CAST: variants seen among roughly 807,000 people sequenced by gnomAD.
CAST encodes the protein MIR583 host.
In CAST, 76 loss-of-function variants were observed where a neutral mutation model predicts 119.6. The ratio of observed to expected loss-of-function variants is 0.64; its 90% CI spans 0.53 to 0.77. CAST has a LOEUF of 0.77. Ranked by LOEUF, CAST falls within the 30% of genes least tolerant of loss-of-function variation. The pLI, the probability that CAST is intolerant of heterozygous loss-of-function variation, is 0.00. For synonymous variants in CAST, 319 were observed against 331.6 expected, an observed-to-expected ratio of 0.96 and a Z score of 0.41; for missense variants, 953 against 946.5, an observed-to-expected ratio of 1.01 and a Z score of -0.09.
chr5:96,537,894 A>G (rs1745847292), intron 1 of CAST, among the ~76,000 whole-genome samples: 1 of 152,178 alleles, frequency 6.6e-6, no homozygotes, highest in Non-Finnish European at 1.5e-5. Context: ...TATATCATGT[A>G]GCAAAAGCAT....
At chr5:96,597,267 G>T (rs1747069359) in intron 1 of CAST, among the ~76,000 whole-genome samples, 1 of 152,184 alleles carries the variant, frequency 6.6e-6, no homozygotes. Flanking sequence ...AATATGTCAA[G>T]GAATTTATCC....
At chr5:96,219,347 C>T in the CAST span, among the ~76,000 whole-genome samples, 2 of 152,112 alleles carry the variant, frequency 1.3e-5, no homozygotes, top group Admixed American at 1.3e-4. Flanking sequence ...TTTTTTGGTT[C>T]TCATCCATTT....
chr5:96,222,191 A>G, the CAST span, among the ~76,000 whole-genome samples: 3 of 152,104 alleles, frequency 2.0e-5, no homozygotes, highest in African/African-American at 7.2e-5. Context: ...TTCAGGACAT[A>G]TGGTCTAGGC....
At chr5:96,274,090 A>G in the CAST span, among the ~76,000 whole-genome samples, 1 of 151,256 alleles carries the variant, frequency 6.6e-6, no homozygotes. Flanking sequence ...GAAATGAGTT[A>G]GAGCCCCAAT....
chr5:96,764,776 C>T (rs1469123001), intron 25 of CAST, among the ~76,000 whole-genome samples: 1 of 152,214 alleles, frequency 6.6e-6, no homozygotes, highest in Non-Finnish European at 1.5e-5. Flanking sequence ...ATCTTGCTTC[C>T]TAACCATCTG....
intron 1 of CAST, among the ~76,000 whole-genome samples, chr5:96,607,759 G>T (rs1203293805): frequency 6.6e-6 from 1 of 151,038 alleles, no homozygotes; most frequent in Non-Finnish European, 1.5e-5. Flanking sequence ...GAGACTGCCG[G>T]TGCAGAAGGT....
chr5:96,309,078 C>A, the CAST span, among the ~76,000 whole-genome samples: 1 of 152,202 alleles, frequency 6.6e-6, no homozygotes, highest in South Asian at 2.1e-4. Flanking sequence ...CCCCCAGATG[C>A]TTTGTCCCAG....
At chr5:96,033,337 G>A in the CAST span, among the ~76,000 whole-genome samples, 43 of 152,154 alleles carry the variant, frequency 2.8e-4, 1 homozygote, top group East Asian at 6.4e-3. Flanking sequence ...ATTCTGAATA[G>A]CCAAAGAAAT....
chr5:96,428,262 T>A, the CAST span, among the ~76,000 whole-genome samples: 2 of 152,150 alleles, frequency 1.3e-5, no homozygotes, highest in Non-Finnish European at 2.9e-5. Flanking sequence ...TATATATATA[T>A]TTTCCCCCTG....
At chr5:96,556,685 G>C (rs1363765367) in intron 1 of CAST, among the ~76,000 whole-genome samples, 1 of 152,158 alleles carries the variant, frequency 6.6e-6, no homozygotes, top group Admixed American at 6.5e-5. Context: ...AATGAACAAA[G>C]CCTCCAAGAA....
At chr5:96,430,496 A>G in the CAST span, among the ~76,000 whole-genome samples, 1 of 152,206 alleles carries the variant, frequency 6.6e-6, no homozygotes, top group Non-Finnish European at 1.5e-5. Flanking sequence ...CAGCAGCCGC[A>G]GAAAAAGATC....
At chr5:96,057,326 T>C in the CAST span, among the ~76,000 whole-genome samples, 1 of 152,330 alleles carries the variant, frequency 6.6e-6, no homozygotes, top group East Asian at 1.9e-4. Flanking sequence ...GCTTCATTGT[T>C]GACAGCTCTA....
At chr5:96,262,817 G>A in the CAST span, among the ~76,000 whole-genome samples, 171 of 152,158 alleles carry the variant, frequency 1.1e-3, no homozygotes, top group African/African-American at 3.7e-3. Context: ...TTACAGACAT[G>A]AGCCACCACG....
chr5:95,970,650 A>G, the CAST span, among the ~76,000 whole-genome samples: 3 of 152,234 alleles, frequency 2.0e-5, no homozygotes, highest in African/African-American at 4.8e-5. Flanking sequence ...AGATAAGGCC[A>G]CTTTCAAATT....
chr5:96,428,141 C>T, the CAST span, among the ~76,000 whole-genome samples: 2 of 152,164 alleles, frequency 1.3e-5, no homozygotes, highest in Admixed American at 6.5e-5. Context: ...TCTTTTTCTT[C>T]TTCTTTTAAA....
At chr5:96,495,239 A>T in the CAST span, among the ~76,000 whole-genome samples, 33 of 151,860 alleles carry the variant, frequency 2.2e-4, no homozygotes, top group African/African-American at 8.0e-4. Flanking sequence ...TGTTTTGTAG[A>T]TCAACTGTTT....
chr5:96,292,438 G>A, the CAST span, among the ~76,000 whole-genome samples: 2 of 152,232 alleles, frequency 1.3e-5, no homozygotes, highest in East Asian at 3.9e-4. Context: ...GAATGCACAG[G>A]CCACTGGTCT....
the CAST span, among the ~76,000 whole-genome samples, chr5:96,415,592 C>A: frequency 6.6e-6 from 1 of 152,128 alleles, no homozygotes; most frequent in Admixed American, 6.5e-5. Context: ...TAAAATTTGG[C>A]TATTTAATAT....
At chr5:96,560,758 T>C (rs1746342891) in intron 1 of CAST, among the ~76,000 whole-genome samples, 1 of 152,160 alleles carries the variant, frequency 6.6e-6, no homozygotes, top group South Asian at 2.1e-4. Flanking sequence ...TTGGTGGGAC[T>C]GTAAACTAGT....
Sources: gnomAD v4.1 joint callset for allele counts (sites outside exome capture counted in the v4.1 genomes callset) on GRCh38, gnomAD v4.1.1 for gene constraint, MANE v1.5 for transcripts, NCBI Gene and HGNC (gene_info 2026-07-23, HGNC 2026-07-21) for gene names.